Variants in UPF2 observed in about 807,000 individuals in gnomAD.
UPF2 encodes UPF2 regulator of nonsense mediated mRNA decay.
Under a neutral mutation model 141.4 loss-of-function variants are expected in UPF2, and 17 were observed. The ratio of observed to expected loss-of-function variants is 0.12; its 90% confidence interval spans 0.08 to 0.18. The LOEUF is 0.18. Among genes scored for constraint, UPF2 ranks in the 10% least tolerant of loss-of-function variants. The pLI is 1.00. For missense variants in UPF2, 1,152 were observed against 1,515.9 expected (o/e 0.76, Z 3.99); for synonymous variants, 540 against 498.0 (o/e 1.08, Z -1.12).
intron 18 of UPF2, among the ~76,000 whole-genome samples, chr10:11,942,448 T>C (rs1832948321): frequency 6.6e-6 from 1 of 152,162 alleles, no homozygotes; most frequent in Non-Finnish European, 1.5e-5. Flanking sequence ...GTTCCAAATC[T>C]TGTGTGTGTT....
intron 3 of UPF2, among the ~76,000 whole-genome samples, chr10:12,025,001 T>C (rs1463788814): frequency 6.6e-6 from 1 of 150,738 alleles, no homozygotes; most frequent in Non-Finnish European, 1.5e-5. Flanking sequence ...ATGATCATTT[T>C]AGCAGAACAC....
chr10:11,993,939 T>C (rs964356210), intron 8 of UPF2, among the ~76,000 whole-genome samples: 3 of 152,126 alleles, frequency 2.0e-5, no homozygotes, highest in East Asian at 3.9e-4. Flanking sequence ...CAGTGAGCTG[T>C]AATCTCACCA....
In UPF2 at chr10:11,997,739, T is replaced by A. The variant is rs1159503317; in HGVS notation, c.1777A>T (p.Met593Leu). ...CTGTTTGCTTTTGTGTTCATGTTCA[T>A]GCAAAAATCCATTGCTGCCTATTGG... ...LIDKAAMDFC[M>L]NMNTKANRKK... The change falls in exon 8 of 22, where the codon ATG (methionine) becomes TTG (leucine). Residue 593 changes from methionine (M) to leucine (L), a missense_variant. Transcript: ENST00000357604. 3.1e-6 allele frequency: 5 copies of A among 1,613,752 alleles called. No homozygotes were observed. The highest frequency in any genetic ancestry group is 3.4e-6 in the Non-Finnish European group (4 of 1,179,872).
intron 3 of UPF2, among the ~76,000 whole-genome samples, chr10:12,020,416 T>TA (rs1232273729): frequency 3.9e-5 from 6 of 152,142 alleles, no homozygotes; most frequent in African/African-American, 1.4e-4. Flanking sequence ...TACGCCCGGC[T>TA]AATTTTGTAT....
chr10:11,934,290 C>G (rs1832816663), intron 19 of UPF2, among the ~76,000 whole-genome samples: 1 of 152,118 alleles, frequency 6.6e-6, no homozygotes, highest in Non-Finnish European at 1.5e-5. Flanking sequence ...GCAAAGATCT[C>G]AGGACAATGC....
At chr10:12,020,820 G>C (rs1219188104) in intron 3 of UPF2, among the ~76,000 whole-genome samples, 1 of 152,220 alleles carries the variant, frequency 6.6e-6, no homozygotes, top group Non-Finnish European at 1.5e-5. Context: ...GCAAATGACA[G>C]TGCTCTAGCT....
intron 5 of UPF2, among the ~76,000 whole-genome samples, chr10:12,004,071 A>C (rs1366497914): frequency 2.0e-5 from 3 of 152,156 alleles, no homozygotes; most frequent in Non-Finnish European, 2.9e-5. Context: ...TGAGAAACAC[A>C]ATGTAACCGG....
At chr10:11,948,919 A>T (rs892618229) in intron 15 of UPF2, among the ~76,000 whole-genome samples, 7 of 152,322 alleles carry the variant, frequency 4.6e-5, no homozygotes, top group African/African-American at 1.7e-4. Flanking sequence ...CCAAAAACTC[A>T]AAAGACATGA....
intron 9 of UPF2, among the ~76,000 whole-genome samples, chr10:11,973,378 CTTTAG>C (rs1391935511): frequency 6.6e-6 from 1 of 152,182 alleles, no homozygotes. Flanking sequence ...TGCAGAAGCT[CTTTAG>C]TTTAATTAGA....
At chr10:11,970,964 A>G (rs1266513171) in intron 9 of UPF2, among the ~76,000 whole-genome samples, 2 of 152,088 alleles carry the variant, frequency 1.3e-5, no homozygotes, top group Admixed American at 6.6e-5. Context: ...ATGGAGTATC[A>G]CACCATTTTA....
At chr10:11,954,219 T>C (rs1250493674) in intron 14 of UPF2, among the ~76,000 whole-genome samples, 1 of 152,186 alleles carries the variant, frequency 6.6e-6, no homozygotes, top group African/African-American at 2.4e-5. Flanking sequence ...CAAGTTTATA[T>C]AATAACCCAA....
chr10:11,958,242 T>C (rs989412410), intron 12 of UPF2, among the ~76,000 whole-genome samples: 5 of 152,230 alleles, frequency 3.3e-5, no homozygotes, highest in Admixed American at 6.5e-5. Context: ...GCCTCTACTA[T>C]AGCAAGATGA....
chr10:12,018,955 T>C (rs1044381257), intron 3 of UPF2, among the ~76,000 whole-genome samples: 1 of 152,204 alleles, frequency 6.6e-6, no homozygotes, highest in Non-Finnish European at 1.5e-5. Context: ...CCAACAAGTA[T>C]CTCTGCTTTA....
At chr10:12,037,632 A>T (rs1359991462) in intron 1 of UPF2, among the ~76,000 whole-genome samples, 1 of 151,686 alleles carries the variant, frequency 6.6e-6, no homozygotes, top group African/African-American at 2.4e-5. Flanking sequence ...ACCTCAAGTG[A>T]TCCATCTGAC....
chr10:11,974,966 TA>T (rs1357783327), intron 9 of UPF2, among the ~76,000 whole-genome samples: 8 of 152,214 alleles, frequency 5.3e-5, no homozygotes, highest in African/African-American at 1.9e-4. Flanking sequence ...CCAAGGTATA[TA>T]ATTTTGAAAT....
At chr10:11,938,155 G>A (rs932487270) in intron 18 of UPF2, among the ~76,000 whole-genome samples, 1 of 151,970 alleles carries the variant, frequency 6.6e-6, no homozygotes, top group Non-Finnish European at 1.5e-5. Flanking sequence ...TATACATATA[G>A]ACACAAGCAA....
Position 11,935,817 on chromosome 10 carries a change from A to C in UPF2, c.3546+728T>G, listed in dbSNP as rs1832842076. 6.6e-6 allele frequency among the ~76,000 whole-genome samples: 1 copy of C among 152,192 alleles called. No individual in the cohort carries two copies. The highest frequency in any genetic ancestry group is 2.4e-5 in the African/African-American group (1 of 41,456). On this transcript the variant is annotated intron_variant, in intron 19 of 21. Transcript: ENST00000357604. The surrounding 1 kb of genome is among the most constrained non-coding windows in gnomAD (Gnocchi z 4.9). ...ATGCTCAATAGTTGACAAATCAACT[A>C]TGGATCGCTAGAGTAACAGCTTGGT...
chr10:11,966,612 C>T (rs1242776180), intron 10 of UPF2, among the ~76,000 whole-genome samples: 2 of 152,010 alleles, frequency 1.3e-5, no homozygotes, highest in Non-Finnish European at 2.9e-5. Flanking sequence ...TTAGTAGAGA[C>T]GGGGTTTCTC....
At chr10:12,000,823 G>T (rs1833939439) in intron 6 of UPF2, among the ~76,000 whole-genome samples, 1 of 151,680 alleles carries the variant, frequency 6.6e-6, no homozygotes, top group Non-Finnish European at 1.5e-5. Flanking sequence ...AATAAATAAA[G>T]GAATCCTAGC....
Sources: gnomAD v4.1 joint callset for allele counts (sites outside exome capture counted in the v4.1 genomes callset) on GRCh38, gnomAD v4.1.1 for gene constraint, Gnocchi (gnomAD v3.1) non-coding constraint, MANE v1.5 for transcripts, NCBI Gene and HGNC (gene_info 2026-07-23, HGNC 2026-07-21) for gene names.